Variants in ANKRD31 observed in about 807,000 individuals in gnomAD.
ANKRD31 encodes the protein ankyrin repeat domain 31.
In ANKRD31, 147 loss-of-function variants were observed where a neutral mutation model predicts 186.0. The observed-to-expected ratio is 0.79, with a 90% CI of 0.69 to 0.91. The LOEUF (loss-of-function observed/expected upper bound fraction) is 0.91, where lower values mean the gene tolerates loss of function less well. Ranked by LOEUF, ANKRD31 falls within the 40% of genes least tolerant of loss-of-function variation. The probability of loss-of-function intolerance (pLI) is 0.00; values close to 1 mark genes in which losing one functional copy is unlikely to be tolerated. For missense variants in ANKRD31, 1,986 were observed against 2,148.8 expected (o/e 0.92, Z 1.50); for synonymous variants, 673 against 736.4 (o/e 0.91, Z 1.39).
rs1488176812 is a variant in ANKRD31 at position 75,195,690 on chromosome 5, A to G, written c.958T>C (p.Cys320Arg). Reference sequence around the variant, plus strand: ...GACGTATTGAACTCCACTTCTAAACATTCATTTCTGGCAATGAGACTGCTA... The same window carrying G: ...GACGTATTGAACTCCACTTCTAAACGTTCATTTCTGGCAATGAGACTGCTA... ...GGSSLIARNE[C>R]LEVEFNTSQT... Residue 320 changes from cysteine (C) to arginine (R), a missense_variant, in exon 7 of 26, where the codon TGT becomes CGT. Cys to Arg is a radical substitution (Grantham distance 180, BLOSUM62 -3). Transcript: ENST00000506364. 1 of 1,537,194 alleles carries G rather than the reference A, an allele frequency of 6.5e-7. No individual in the cohort carries two copies. Among genetic ancestry groups the G allele is most frequent in the South Asian group, 1.2e-5 (1 of 83,988 alleles).
chr5:75,129,833 A>G (rs1385084681), intron 17 of ANKRD31, among the ~76,000 whole-genome samples: 1 of 152,238 alleles, frequency 6.6e-6, no homozygotes, highest in African/African-American at 2.4e-5. Context: ...AGGGCAGGGC[A>G]TCACTTTACC....
intron 25 of ANKRD31, among the ~76,000 whole-genome samples, chr5:75,070,143 C>T (rs765057638): frequency 1.3e-5 from 2 of 152,048 alleles, no homozygotes. Flanking sequence ...ACACATGGTC[C>T]ATATGTAAAC....
intron 23 of ANKRD31, 131 bp downstream of exon 23, chr5:75,091,130 T>TC (rs1745891289): frequency 9.9e-7 from 1 of 1,013,924 alleles, no homozygotes; most frequent in Non-Finnish European, 1.4e-6. Context: ...ATACAGCATA[T>TC]ACAGAATGAA....
intron 23 of ANKRD31, among the ~76,000 whole-genome samples, chr5:75,085,677 C>T (rs1399240891): frequency 1.3e-5 from 2 of 150,914 alleles, no homozygotes; most frequent in Non-Finnish European, 2.9e-5. Flanking sequence ...GCTGGGATTA[C>T]AGGTGTGAGC....
chr5:75,216,675 C>G (rs1756981205), intron 3 of ANKRD31, among the ~76,000 whole-genome samples: 1 of 152,046 alleles, frequency 6.6e-6, no homozygotes, highest in Non-Finnish European at 1.5e-5. Flanking sequence ...TAGACCTTCA[C>G]ATTAACTTTT....
chr5:75,235,644 T>C (rs918920308), intron 1 of ANKRD31, among the ~76,000 whole-genome samples: 31 of 152,268 alleles, frequency 2.0e-4, no homozygotes, highest in South Asian at 6.2e-4. Flanking sequence ...CTCCCAGCCC[T>C]GCCCCAAGGC....
intron 15 of ANKRD31, among the ~76,000 whole-genome samples, chr5:75,141,156 G>A (rs1751018314): frequency 6.6e-6 from 1 of 152,084 alleles, no homozygotes; most frequent in African/African-American, 2.4e-5. Flanking sequence ...CCATGCATAT[G>A]GTTTCAGGGC....
Position 75,144,030 on chromosome 5 carries a change from TG to T in ANKRD31, c.3565del (p.Gln1189LysfsTer4). On this transcript the variant is annotated frameshift_variant, in exon 15 of 26. Transcript: ENST00000506364. LOFTEE classifies it high-confidence loss of function. ...HKTVQNFRKR[Q>X]SFLKTTCNLG... ...GTTGCAGGTAGTTTTTAAGAAACTT[TG>T]TCTTTTTCTGAAATTCTGAACTGTT... 2.5e-6 allele frequency: 1 copy of T among 397,472 alleles called. No individual in the cohort carries two copies. The highest frequency in any genetic ancestry group is 4.4e-6 in the Non-Finnish European group (1 of 225,298). 24.6% of individuals were successfully genotyped at this position (397,472 alleles called of 1,614,324 possible). A position where few individuals can be genotyped will look rare whatever the true frequency, so the allele number is the denominator to read the frequency against.
chr5:75,120,071 A>C (rs1748632799), intron 17 of ANKRD31, among the ~76,000 whole-genome samples: 1 of 148,616 alleles, frequency 6.7e-6, no homozygotes, highest in South Asian at 2.2e-4. Context: ...TTTATAATTG[A>C]CCAATGTAAA....
At chr5:75,132,561 G>A (rs1019039313) in intron 17 of ANKRD31, among the ~76,000 whole-genome samples, 20 of 152,084 alleles carry the variant, frequency 1.3e-4, no homozygotes, top group Admixed American at 4.6e-4. Context: ...TGAAAGTGAC[G>A]GGAGAATGGA....
intron 17 of ANKRD31, among the ~76,000 whole-genome samples, chr5:75,129,717 G>A (rs899568429): frequency 4.6e-5 from 7 of 152,184 alleles, no homozygotes; most frequent in Non-Finnish European, 7.3e-5. Flanking sequence ...CCCAGCATGA[G>A]CGATGCAGAA....
At chr5:75,164,080 C>T (rs537682669) in intron 11 of ANKRD31, among the ~76,000 whole-genome samples, 15 of 152,284 alleles carry the variant, frequency 9.9e-5, no homozygotes, top group African/African-American at 3.4e-4. Context: ...TGTTCTCAAT[C>T]TTGATTCATT....
In ANKRD31 at chr5:75,146,930, T is replaced by TTGG; in HGVS notation, c.2480_2481insCCA (p.Glu827delinsAspGln). The TTGG allele has an allele frequency of 6.5e-7, 1 of 1,536,342 alleles. No homozygotes were observed. The stretch of plus-strand genomic sequence containing the variant: ...AAACAGCTTCAGTTTGGTCAACAGA[T>TTGG]TCTAATTCCAAGCATTGAACTTCTT... On this transcript the variant is annotated protein_altering_variant, in exon 14 of 26. Transcript: ENST00000506364.
intron 12 of ANKRD31, among the ~76,000 whole-genome samples, chr5:75,153,222 C>T (rs1053933561): frequency 6.6e-5 from 10 of 152,070 alleles, no homozygotes; most frequent in African/African-American, 2.4e-4. Flanking sequence ...TCTTCCTGTC[C>T]TAGTTGCAAC....
At chr5:75,093,352 A>G (rs1746074829) in intron 22 of ANKRD31, among the ~76,000 whole-genome samples, 1 of 151,852 alleles carries the variant, frequency 6.6e-6, no homozygotes, top group Non-Finnish European at 1.5e-5. Flanking sequence ...CATGGTGGCA[A>G]GCTCCTGTAA....
At chr5:75,127,389 A>G (rs1749339867) in intron 17 of ANKRD31, among the ~76,000 whole-genome samples, 1 of 152,122 alleles carries the variant, frequency 6.6e-6, no homozygotes, top group African/African-American at 2.4e-5. Flanking sequence ...TCTAGTGAGT[A>G]GAGGTCAGAG....
chr5:75,174,165 T>C (rs1020975509), intron 10 of ANKRD31, among the ~76,000 whole-genome samples: 1 of 152,182 alleles, frequency 6.6e-6, no homozygotes, highest in Non-Finnish European at 1.5e-5. Context: ...CTGGGAAAAC[T>C]GGCTAGCCAT....
intron 10 of ANKRD31, 92 bp from the exon 11 acceptor site, chr5:75,169,213 C>A (rs1210811371): frequency 4.3e-6 from 6 of 1,379,518 alleles, no homozygotes; most frequent in Non-Finnish European, 5.8e-6. Flanking sequence ...ATTCTAAGTT[C>A]TTTCTTCAAA....
intron 20 of ANKRD31, among the ~76,000 whole-genome samples, chr5:75,110,812 T>C (rs1466560250): frequency 1.4e-5 from 2 of 147,946 alleles, no homozygotes; most frequent in East Asian, 4.1e-4. Flanking sequence ...CTGATGCTAC[T>C]AGCAGTGTAC....
Sources: gnomAD v4.1 joint callset for allele counts (sites outside exome capture counted in the v4.1 genomes callset) on GRCh38, gnomAD v4.1.1 for gene constraint, MANE v1.5 for transcripts, NCBI Gene and HGNC (gene_info 2026-07-23, HGNC 2026-07-21) for gene names.